SEL1L2: variants seen among roughly 807,000 people sequenced by gnomAD.
SEL1L2 encodes SEL1L2 adaptor subunit of SYVN1 ubiquitin ligase.
A neutral mutation model predicts 98.8 loss-of-function variants in SEL1L2; 89 were observed. That is an observed-to-expected ratio of 0.90 (90% CI 0.76 to 1.07). The LOEUF (loss-of-function observed/expected upper bound fraction) is 1.07. SEL1L2 is among the 50% of genes least tolerant of loss of function. The probability of loss-of-function intolerance (pLI) is 0.00; values close to 1 mark genes in which losing one functional copy is unlikely to be tolerated. For missense variants in SEL1L2, 788 were observed against 812.0 expected, an observed-to-expected ratio of 0.97 and a Z score of 0.36; for synonymous variants, 262 against 278.5, an observed-to-expected ratio of 0.94 and a Z score of 0.59.
At chr20:13,870,003 T>G in intron 13 of SEL1L2, 138 bp downstream of exon 13, 1 of 607,134 alleles carries the variant, frequency 1.6e-6, no homozygotes, top group South Asian at 2.4e-5. Context: ...TTCACTGGAT[T>G]ATTTTATTCT....
intron 10 of SEL1L2, among the ~76,000 whole-genome samples, 167 bp downstream of exon 10, chr20:13,885,180 A>T (rs2046892422): frequency 6.6e-6 from 1 of 152,002 alleles, no homozygotes; most frequent in Admixed American, 6.6e-5. Context: ...CCCTCTGGAG[A>T]ACTTAGTTCT....
At chr20:13,930,443 G>A (rs1431348991) in intron 3 of SEL1L2, among the ~76,000 whole-genome samples, 9 of 152,174 alleles carry the variant, frequency 5.9e-5, no homozygotes, top group Admixed American at 5.9e-4. Context: ...GAACTTTGTG[G>A]TTTCCCTATA....
chr20:13,931,485 T>G, intron 3 of SEL1L2, 118 bp downstream of exon 3: 2 of 545,756 alleles, frequency 3.7e-6, no homozygotes, highest in Non-Finnish European at 5.5e-6. Context: ...TTTAATGCTT[T>G]TGTGTGTATA....
intron 1 of SEL1L2, among the ~76,000 whole-genome samples, chr20:13,976,762 T>C (rs964500235): frequency 6.6e-6 from 1 of 152,186 alleles, no homozygotes; most frequent in Non-Finnish European, 1.5e-5. Context: ...AGTTAAAAGA[T>C]ACTAAAATGA....
At chr20:13,987,395 G>A (rs2052273129) in intron 1 of SEL1L2, among the ~76,000 whole-genome samples, 1 of 151,190 alleles carries the variant, frequency 6.6e-6, no homozygotes, top group South Asian at 2.1e-4. Context: ...GCCCAGGCTG[G>A]AGTGCAGTGG....
intron 1 of SEL1L2, among the ~76,000 whole-genome samples, chr20:13,965,027 G>A (rs1214468695): frequency 6.6e-6 from 1 of 152,068 alleles, no homozygotes; most frequent in African/African-American, 2.4e-5. Context: ...ATTTCTCAGT[G>A]CTCAGTCCTC....
intron 1 of SEL1L2, among the ~76,000 whole-genome samples, chr20:13,963,232 C>T (rs1250672178): frequency 6.6e-6 from 1 of 151,906 alleles, no homozygotes; most frequent in Non-Finnish European, 1.5e-5. Flanking sequence ...CTGGTGTTGT[C>T]TAACTCCATT....
chr20:13,986,958 G>A (rs925328592), intron 1 of SEL1L2, among the ~76,000 whole-genome samples: 3 of 152,144 alleles, frequency 2.0e-5, no homozygotes, highest in African/African-American at 4.8e-5. Flanking sequence ...TCAGCCTCCC[G>A]AGTAGCTGGG....
rs576069190 is a variant in SEL1L2 at position 13,890,923 on chromosome 20, C to A, written c.550-2411G>T. ...AGAGTTGATGAAACTGAAGAATCAG[C>A]AAACATGAACATAGGTCATTTGAAA... is the stretch of plus-strand genomic sequence containing the variant. On this transcript the variant is annotated intron_variant, in intron 5 of 19. Transcript: ENST00000284951. Among the ~76,000 whole-genome samples, 6 of 152,016 alleles carry A rather than the reference C, an allele frequency of 3.9e-5. No individual in the cohort carries two copies. The South Asian group carries it at 6.2e-4, about 16-fold the overall frequency.
intron 5 of SEL1L2, among the ~76,000 whole-genome samples, chr20:13,902,379 A>G (rs925280111): frequency 6.6e-6 from 1 of 152,216 alleles, no homozygotes; most frequent in Non-Finnish European, 1.5e-5. Context: ...GACTCCCTTG[A>G]TCAGTTTTCA....
chr20:13,849,924 C>T, intron 19 of SEL1L2: 1 of 551,750 alleles, frequency 1.8e-6, no homozygotes, highest in South Asian at 2.1e-5. Context: ...ATATATAGCA[C>T]ATGTCACTGT....
intron 3 of SEL1L2, among the ~76,000 whole-genome samples, chr20:13,928,530 C>G (rs775375493): frequency 6.6e-6 from 1 of 152,138 alleles, no homozygotes; most frequent in Non-Finnish European, 1.5e-5. Flanking sequence ...ATTACAATTA[C>G]CCACCCACCA....
intron 3 of SEL1L2, among the ~76,000 whole-genome samples, chr20:13,925,779 A>C (rs567782964): frequency 1.3e-5 from 2 of 152,374 alleles, no homozygotes; most frequent in South Asian, 4.1e-4. Flanking sequence ...AAAAACATTT[A>C]AAGTTATGAC....
intron 15 of SEL1L2, among the ~76,000 whole-genome samples, chr20:13,866,054 C>T (rs2147819836): frequency 6.6e-6 from 1 of 152,142 alleles, no homozygotes; most frequent in Middle Eastern, 3.4e-3. Context: ...AAGAGGTTAG[C>T]CATACATAAT....
intron 5 of SEL1L2, among the ~76,000 whole-genome samples, chr20:13,898,446 A>G (rs1397769584): frequency 6.6e-6 from 1 of 152,348 alleles, no homozygotes; most frequent in East Asian, 1.9e-4. Flanking sequence ...TCTCTTTCCC[A>G]GAACTCTCGT....
chr20:13,953,079 C>T (rs762715563), intron 2 of SEL1L2, among the ~76,000 whole-genome samples: 1 of 152,136 alleles, frequency 6.6e-6, no homozygotes, highest in Non-Finnish European at 1.5e-5. Context: ...AGTTAATTTC[C>T]CAAACCTTAG....
At chr20:13,978,277 G>A (rs995381199) in intron 1 of SEL1L2, among the ~76,000 whole-genome samples, 12 of 152,170 alleles carry the variant, frequency 7.9e-5, no homozygotes, top group African/African-American at 2.4e-4. Flanking sequence ...TCAACAAATG[G>A]TGTTGGGAAA....
At chr20:13,873,794 G>T (rs2046310297) in intron 12 of SEL1L2, among the ~76,000 whole-genome samples, 1 of 152,120 alleles carries the variant, frequency 6.6e-6, no homozygotes, top group Non-Finnish European at 1.5e-5. Context: ...GAGCAGACAG[G>T]CATTTCTTTG....
chr20:13,901,173 C>T (rs1334498160), intron 5 of SEL1L2, among the ~76,000 whole-genome samples: 1 of 150,766 alleles, frequency 6.6e-6, no homozygotes, highest in Non-Finnish European at 1.5e-5. Flanking sequence ...CGGGTTCATG[C>T]CATTCTCCTG....
Sources: allele counts gnomAD v4.1 joint callset (sites outside exome capture counted in the v4.1 genomes callset), GRCh38; gene constraint gnomAD v4.1.1; transcripts MANE v1.5; gene names NCBI Gene and HGNC (gene_info 2026-07-23, HGNC 2026-07-21).